PSTPIP2: variants seen among roughly 807,000 people sequenced by gnomAD.
The protein encoded by PSTPIP2 is proline-serine-threonine phosphatase interacting protein 2.
Under a neutral mutation model 63.3 loss-of-function variants are expected in PSTPIP2, and 33 were observed. The ratio of observed to expected loss-of-function variants is 0.52; its 90% CI spans 0.40 to 0.70. PSTPIP2 has a LOEUF of 0.70. PSTPIP2 is among the 30% of genes least tolerant of loss of function. The pLI is 0.00. For synonymous variants in PSTPIP2, 125 were observed against 132.7 expected, an observed-to-expected ratio of 0.94 and a Z score of 0.40; for missense variants, 312 against 400.7, an observed-to-expected ratio of 0.78 and a Z score of 1.89.
At chr18:45,999,413 G>A (rs1212643899) in intron 7 of PSTPIP2, 23 bp downstream of exon 7, 4 of 1,610,456 alleles carry the variant, frequency 2.5e-6, no homozygotes, top group Admixed American at 1.7e-5. Flanking sequence ...CAGATTTTTC[G>A]GGTTGTTAGC....
At chr18:46,024,473 A>G in intron 3 of PSTPIP2, 136 bp downstream of exon 3, 1 of 721,250 alleles carries the variant, frequency 1.4e-6, no homozygotes, top group Non-Finnish European at 2.5e-6. Context: ...TGGACAAAAT[A>G]GTGAGATCCC....
chr18:46,008,967 C>T lies in PSTPIP2; in HGVS notation c.354+2214G>A, dbSNP rs530484697. ...AATGTCCTTCTTTTGGGAGGCCTTC[C>T]CAAGCCTCCAGATGACATTACGTGT... On this transcript the variant is annotated intron_variant, in intron 5 of 14. Coordinates refer to ENST00000409746, the MANE Select transcript of PSTPIP2 (RefSeq NM_024430.4). Among the ~76,000 whole-genome samples the T allele has an allele frequency of 2.0e-5, 3 of 152,194 alleles. No individual in the cohort carries two copies. The South Asian group carries it at 6.2e-4, about 32-fold the overall frequency.
At chr18:46,043,156 C>T (rs576411012) in intron 1 of PSTPIP2, among the ~76,000 whole-genome samples, 5 of 140,334 alleles carry the variant, frequency 3.6e-5, no homozygotes, top group South Asian at 4.8e-4. Context: ...GAGGCCGAGG[C>T]GGGAGGATCG....
chr18:46,008,011 A>T (rs1004391787), intron 5 of PSTPIP2, among the ~76,000 whole-genome samples: 2 of 152,162 alleles, frequency 1.3e-5, no homozygotes, highest in Admixed American at 6.6e-5. Context: ...TTATGGGGTG[A>T]CATTTGTGGT....
At chr18:46,051,325 A>C (rs1422463989) in intron 1 of PSTPIP2, among the ~76,000 whole-genome samples, 1 of 152,110 alleles carries the variant, frequency 6.6e-6, no homozygotes, top group African/African-American at 2.4e-5. Flanking sequence ...AAAATACAAA[A>C]ATTAGCTGGG....
chr18:46,033,300 T>C (rs563603919), intron 2 of PSTPIP2, among the ~76,000 whole-genome samples: 4 of 152,206 alleles, frequency 2.6e-5, no homozygotes, highest in Non-Finnish European at 4.4e-5. Flanking sequence ...CATCTTAGAC[T>C]GTGACCTTAT....
At chr18:46,069,466 G>A (rs777990295) in intron 1 of PSTPIP2, among the ~76,000 whole-genome samples, 5 of 152,124 alleles carry the variant, frequency 3.3e-5, no homozygotes, top group African/African-American at 9.7e-5. Flanking sequence ...AATTCATTGG[G>A]GGCCAATCCC....
intron 2 of PSTPIP2, among the ~76,000 whole-genome samples, chr18:46,025,034 A>G (rs1472986302): frequency 6.6e-6 from 1 of 152,194 alleles, no homozygotes; most frequent in Non-Finnish European, 1.5e-5. Flanking sequence ...TTCATTCACA[A>G]GCAATTCAAA....
At chr18:46,046,346 G>C (rs117127358) in intron 1 of PSTPIP2, among the ~76,000 whole-genome samples, 2 of 152,202 alleles carry the variant, frequency 1.3e-5, no homozygotes, top group African/African-American at 2.4e-5. Flanking sequence ...CTGAGCATCC[G>C]CACATCTAGT....
chr18:46,015,459 T>C (rs1172438733), intron 4 of PSTPIP2, among the ~76,000 whole-genome samples: 1 of 152,106 alleles, frequency 6.6e-6, no homozygotes. Context: ...TGGATGACAG[T>C]GTCTCCGAGT....
At chr18:46,062,562 T>C (rs1909029147) in intron 1 of PSTPIP2, among the ~76,000 whole-genome samples, 1 of 152,124 alleles carries the variant, frequency 6.6e-6, no homozygotes, top group African/African-American at 2.4e-5. Context: ...TCTCGCTCTG[T>C]CACCCAGGCT....
intron 5 of PSTPIP2, chr18:46,010,910 A>G: frequency 5.4e-6 from 2 of 367,040 alleles, no homozygotes; most frequent in Non-Finnish European, 5.0e-6. Context: ...TCCCCTTTCC[A>G]TTCATAGTCT....
In PSTPIP2 at chr18:45,991,891, C is replaced by G; in HGVS notation, c.920+11G>C. 1 of 1,578,896 alleles carries G rather than the reference C, an allele frequency of 6.3e-7. No homozygotes were observed. Among genetic ancestry groups the G allele is most frequent in the Non-Finnish European group, 8.7e-7 (1 of 1,154,102 alleles). On this transcript the variant is annotated intron_variant, in intron 12 of 14. Transcript: ENST00000409746. ...GTATTTTTCTTCATATGAAAGGCAGCTGGTTATTACCTTGCCAAGTTAGGC... is the reference window on the plus strand; with the variant it reads ...GTATTTTTCTTCATATGAAAGGCAGGTGGTTATTACCTTGCCAAGTTAGGC...
intron 2 of PSTPIP2, chr18:46,028,937 G>C (rs1907691913): frequency 1.5e-6 from 2 of 1,348,126 alleles, no homozygotes; most frequent in Non-Finnish European, 2.1e-6. Context: ...TGCCAGCATG[G>C]TAATGCTGAA....
At chr18:46,052,219 C>G (rs1264869178) in intron 1 of PSTPIP2, among the ~76,000 whole-genome samples, 1 of 152,206 alleles carries the variant, frequency 6.6e-6, no homozygotes, top group Non-Finnish European at 1.5e-5. Context: ...TAGGTCAAAC[C>G]CAGGGGAATG....
chr18:46,000,614 C>T lies in PSTPIP2; in HGVS notation c.418-1080G>A, dbSNP rs547918142. On this transcript the variant is annotated intron_variant, in intron 6 of 14. Transcript: ENST00000409746. ...AACTCCTGACCTCAGGTGATCCACC[C>T]GCCTCGGCCTCCCAAAGTGCTGGGA... Among the ~76,000 whole-genome samples the T allele has an allele frequency of 1.2e-3, 180 of 152,260 alleles. 1 individual carries two copies. In the South Asian group the frequency reaches 0.013, roughly 11 times the overall value.
intron 4 of PSTPIP2, among the ~76,000 whole-genome samples, chr18:46,014,606 A>C (rs1326621376): frequency 6.6e-6 from 1 of 152,154 alleles, no homozygotes; most frequent in Non-Finnish European, 1.5e-5. Flanking sequence ...CCAGCTACTC[A>C]GAAGGCTGAG....
intron 2 of PSTPIP2, among the ~76,000 whole-genome samples, chr18:46,037,157 T>C (rs1287865665): frequency 6.6e-6 from 1 of 152,196 alleles, no homozygotes; most frequent in African/African-American, 2.4e-5. Flanking sequence ...TGTTTGTTTT[T>C]TGTTTTTGTT....
intron 1 of PSTPIP2, among the ~76,000 whole-genome samples, chr18:46,052,877 T>C (rs760894426): frequency 6.6e-6 from 1 of 152,226 alleles, no homozygotes; most frequent in Non-Finnish European, 1.5e-5. Context: ...GTGCTCTAGT[T>C]TTAGAGTGCT....
Sources: gnomAD v4.1 joint callset for allele counts (sites outside exome capture counted in the v4.1 genomes callset) on GRCh38, gnomAD v4.1.1 for gene constraint, MANE v1.5 for transcripts, NCBI Gene and HGNC (gene_info 2026-07-23, HGNC 2026-07-21) for gene names.